RPL23: variants seen among roughly 807,000 people sequenced by gnomAD.
RPL23 encodes the protein ribosomal protein L23.
For missense variants in RPL23, 79 were observed against 178.8 expected (o/e 0.44, Z 3.18); for synonymous variants, 63 against 65.3 (o/e 0.97, Z 0.17).
chr17:38,853,457 T>G (rs1291438925), intron 1 of RPL23: 2 of 718,922 alleles, frequency 2.8e-6, no homozygotes. Context: ...ACGATAGCCC[T>G]ATTCGCGGAG....
chr17:38,852,524 G>A (rs931900408), intron 3 of RPL23, 80 bp downstream of exon 3: 3 of 1,567,648 alleles, frequency 1.9e-6, no homozygotes, highest in South Asian at 2.3e-5. Context: ...TTGAGGCCTT[G>A]AAAACTGATC....
chr17:38,850,221 TA>T lies in RPL23; in HGVS notation c.341-8del, dbSNP rs769642481. 10 of 1,583,114 alleles carry T rather than the reference TA, an allele frequency of 6.3e-6. No individual in the cohort carries two copies. In the South Asian group the frequency reaches 7.0e-5, roughly 11 times the overall value. On this transcript the variant is annotated splice_region_variant and splice_polypyrimidine_tract_variant and intron_variant, in intron 4 of 4. Coordinates refer to ENST00000479035, the MANE Select transcript of RPL23 (RefSeq NM_000978.4). ...GGTCCTGTAATGGCAGAACCTGCAT[TA>T]AAAAAATAAAATAAAATAAAATAAA...
At position 38,850,076 on chromosome 17, in the gene RPL23, A is replaced by T. The variant is rs1231452096; in HGVS notation, c.*56T>A. ...AACAGGGAGACAAGCACTGCAAACA[A>T]ATACTTTTTAATGGGTTTAGTTTTT... is the stretch of plus-strand genomic sequence containing the variant. On this transcript the variant is annotated 3_prime_UTR_variant, in exon 5 of 5. Transcript: ENST00000479035. 7.4e-7 allele frequency: 1 copy of T among 1,359,558 alleles called. No homozygotes were observed. The highest frequency in any genetic ancestry group is 1.0e-6 in the Non-Finnish European group (1 of 984,936). 84.2% of individuals were successfully genotyped at this position (1,359,558 alleles called of 1,614,324 possible).
rs371838445 is a variant in RPL23, at chr17:38,853,012, A to C, written c.97+10T>G. ...AAAAGGGGGAGTATAGCAACGTGCA[A>C]AGACCTCACCTGTGTTGTCAGCACA... On this transcript the variant is annotated intron_variant, in intron 2 of 4. Coordinates refer to ENST00000479035, the MANE Select transcript of RPL23 (RefSeq NM_000978.4). 1.9e-6 allele frequency: 3 copies of C among 1,613,528 alleles called. No individual in the cohort carries two copies. The highest frequency in any genetic ancestry group is 2.5e-6 in the Non-Finnish European group (3 of 1,179,444).
Position 38,850,382 on chromosome 17 carries a change from T to C in RPL23, c.320A>G (p.Asn107Ser). The C allele has an allele frequency of 6.2e-7, 1 of 1,613,714 alleles. No homozygotes were observed. The highest frequency in any genetic ancestry group is 2.2e-5 in the East Asian group (1 of 44,886). ...YFEDNAGVIV[N>S]NKGEMKGSAI... is the part of the protein sequence containing the mutation. The stretch of plus-strand genomic sequence containing the variant: ...CCTACCTTTCATCTCGCCTTTATTG[T>C]TCACTATGACTCCTGCATTATCTTC... The change falls in exon 4 of 5, where the codon AAC (asparagine) becomes AGC (serine). Residue 107 changes from asparagine to serine, a missense_variant. Transcript: ENST00000479035.
chr17:38,851,653 G>C (rs987527453), intron 3 of RPL23: 2 of 152,184 alleles, frequency 1.3e-5, no homozygotes, highest in African/African-American at 4.8e-5. Flanking sequence ...AGTGTTCTGA[G>C]AAGAGGAAAA....
intron 2 of RPL23, 30 bp from the exon 3 acceptor site, chr17:38,852,762 A>G: frequency 6.2e-7 from 1 of 1,613,884 alleles, no homozygotes; most frequent in Non-Finnish European, 8.5e-7. Flanking sequence ...AAAATAAAAA[A>G]TGTTGAGGGC....
chr17:38,850,647 G>A (rs1210726732), intron 3 of RPL23, 172 bp from the exon 4 acceptor site: 3 of 567,576 alleles, frequency 5.3e-6, no homozygotes, highest in Admixed American at 3.4e-5. Context: ...TTGGACTACA[G>A]GTGCACACTA....
At chr17:38,852,990 A>AG in intron 2 of RPL23, 32 bp downstream of exon 2, 1 of 1,595,504 alleles carries the variant, frequency 6.3e-7, no homozygotes, top group Non-Finnish European at 8.6e-7. Flanking sequence ...TGCTTTTAAA[A>AG]GGGGGAGTAT....
chr17:38,853,478 G>C (rs545353845), intron 1 of RPL23: 1 of 722,110 alleles, frequency 1.4e-6, no homozygotes, highest in East Asian at 2.7e-5. Context: ...CGATCTCGCG[G>C]TATCCAGACT....
rs200640604 is a variant in RPL23 at position 38,850,091 on chromosome 17, G to T, written c.*41C>A. The T allele has an allele frequency of 1.4e-5, 19 of 1,343,672 alleles. No individual in the cohort carries two copies. The highest frequency in any genetic ancestry group is 1.8e-5 in the Non-Finnish European group (18 of 1,006,608). 83.2% of individuals were successfully genotyped at this position (1,343,672 alleles called of 1,614,324 possible). A position where few individuals can be genotyped will look rare whatever the true frequency, so the allele number is the denominator to read the frequency against. On this transcript the variant is annotated 3_prime_UTR_variant, in exon 5 of 5. Transcript: ENST00000479035. ...ACTGCAAACAAATACTTTTTAATGG[G>T]TTTAGTTTTTTTTTTTATTTTTTAC... is the stretch of plus-strand genomic sequence containing the variant.
At position 38,849,594 on chromosome 17, in the gene RPL23, C is replaced by CTCCT. The variant is rs1912945990; in HGVS notation, c.*537_*538insAGGA. The CTCCT allele has an allele frequency of 2.0e-5, 3 of 152,238 alleles. No individual in the cohort carries two copies. The highest frequency in any genetic ancestry group is 4.8e-5 in the African/African-American group (2 of 41,418). 9.4% of individuals were successfully genotyped at this position (152,238 alleles called of 1,614,324 possible). On this transcript the variant is annotated 3_prime_UTR_variant, in exon 5 of 5. Transcript: ENST00000479035. ...CTCATGATCTGCCTGCCTTGGCCTCCGAAAGTGTTGGGATTACAGGTGCCA... is the reference window on the plus strand; with the variant it reads ...CTCATGATCTGCCTGCCTTGGCCTCCTCCTGAAAGTGTTGGGATTACAGGTGCCA...
At chr17:38,850,967 G>A (rs936671056) in intron 3 of RPL23, 5 of 152,706 alleles carry the variant, frequency 3.3e-5, no homozygotes, top group African/African-American at 1.2e-4. Flanking sequence ...CAGAGACCAA[G>A]CTATTCAGAT....
intron 3 of RPL23, chr17:38,852,182 C>T (rs1018948662): frequency 2.2e-5 from 4 of 185,298 alleles, no homozygotes; most frequent in African/African-American, 9.6e-5. Flanking sequence ...ATATGTGCCA[C>T]TGCACTCCAG....
rs752274609 is a variant in RPL23 at position 38,847,999 on chromosome 17, CAA to C, written c.*2131_*2132del. ...CAGGAGGATTCCAAGTCCAGCAGTT[CAA>C]AGTTACAGTGAGCTTCAGTGGTGTT... On this transcript the variant is annotated 3_prime_UTR_variant, in exon 5 of 5. Coordinates refer to ENST00000479035, the MANE Select transcript of RPL23 (RefSeq NM_000978.4). The C allele has an allele frequency of 3.6e-5, 56 of 1,550,174 alleles. 1 individual carries two copies. The South Asian group carries it at 6.0e-4, about 16-fold the overall frequency.
intron 3 of RPL23, chr17:38,852,284 G>T: frequency 8.8e-6 from 2 of 228,064 alleles, no homozygotes; most frequent in South Asian, 9.0e-5. Context: ...TTTTTTTTGA[G>T]AGCCCAGGAG....
intron 4 of RPL23, 31 bp downstream of exon 4, chr17:38,850,331 A>G (rs1220049793): frequency 6.3e-7 from 1 of 1,586,768 alleles, no homozygotes; most frequent in Non-Finnish European, 8.7e-7. Flanking sequence ...AACCTCAGAG[A>G]CCTAAGGAAC....
Position 38,850,088 on chromosome 17 carries a change from T to G in RPL23, c.*44A>C. 2 of 1,374,348 alleles carry G rather than the reference T, an allele frequency of 1.5e-6. No individual in the cohort carries two copies. The highest frequency in any genetic ancestry group is 1.3e-5 in the South Asian group (1 of 77,944). The allele number at this position is 1,374,348 out of a possible 1,614,324, so 85.1% of individuals were successfully genotyped here. The stretch of plus-strand genomic sequence containing the variant: ...AGCACTGCAAACAAATACTTTTTAA[T>G]GGGTTTAGTTTTTTTTTTTATTTTT... On this transcript the variant is annotated 3_prime_UTR_variant, in exon 5 of 5. Transcript: ENST00000479035.
At chr17:38,852,563 C>T (rs535059233) in intron 3 of RPL23, 41 bp downstream of exon 3, 22 of 1,608,788 alleles carry the variant, frequency 1.4e-5, no homozygotes, top group South Asian at 2.2e-5. Flanking sequence ...AGCGTCCCCC[C>T]ACTACTCATC....
Sources: gnomAD v4.1 joint callset for allele counts on GRCh38, gnomAD v4.1.1 for gene constraint, MANE v1.5 for transcripts, NCBI Gene and HGNC (gene_info 2026-07-23, HGNC 2026-07-21) for gene names.